Variants in DAB1 observed in about 807,000 individuals in gnomAD.
The protein encoded by DAB1 is disabled homolog 1.
Under a neutral mutation model 64.6 loss-of-function variants are expected in DAB1, and 15 were observed. That is an observed-to-expected ratio of 0.23 (90% confidence interval 0.16 to 0.36). The LOEUF is 0.36. Among genes scored for constraint, DAB1 ranks in the 10% least tolerant of loss-of-function variants. The pLI is 1.00. For missense variants in DAB1, 596 were observed against 706.7 expected (o/e 0.84, Z 1.78); for synonymous variants, 235 against 251.9 (o/e 0.93, Z 0.64).
intron 3 of DAB1, among the ~76,000 whole-genome samples, chr1:58,428,688 T>C (rs1042385122): frequency 1.3e-5 from 2 of 152,338 alleles, no homozygotes; most frequent in East Asian, 3.8e-4. Context: ...AACAGTGTTA[T>C]GTTTAGGATT....
intron 5 of DAB1, among the ~76,000 whole-genome samples, chr1:57,960,829 TGAG>T (rs1230732272): frequency 6.6e-6 from 1 of 152,224 alleles, no homozygotes; most frequent in African/African-American, 2.4e-5. Context: ...CATGCAGGCA[TGAG>T]GAGAACAGAC....
At chr1:57,566,568 A>ACG (rs1405532539) in intron 7 of DAB1, among the ~76,000 whole-genome samples, 8 of 152,172 alleles carry the variant, frequency 5.3e-5, no homozygotes, top group African/African-American at 1.9e-4. Context: ...AATCAAATAG[A>ACG]CGCAATAAAA....
intron 1 of DAB1, chr1:57,876,164 G>C (rs1644042570): frequency 6.6e-6 from 1 of 152,186 alleles, no homozygotes; most frequent in African/African-American, 2.4e-5. Context: ...TAGGCTGAAT[G>C]TTCAAGGACC....
intron 1 of DAB1, among the ~76,000 whole-genome samples, chr1:57,303,868 T>G (rs1285041179): frequency 6.6e-6 from 1 of 152,110 alleles, no homozygotes; most frequent in Admixed American, 6.5e-5. Flanking sequence ...GCTCTACGGC[T>G]ATTCCTAACT....
intron 7 of DAB1, among the ~76,000 whole-genome samples, chr1:57,535,470 C>CTTTTT (rs11358277): frequency 7.7e-6 from 1 of 130,502 alleles, no homozygotes; most frequent in Non-Finnish European, 1.6e-5. Context: ...GTTGGACATT[C>CTTTTT]TTTTTTTTTT....
Position 58,167,018 on chromosome 1 carries a change from G to A in DAB1, n.310-16430C>T, listed in dbSNP as rs545709263. Reference sequence around the variant, plus strand: ...CACCTTGGCCTCCTAAAAGTGCTAGGAATATAGGTATGAGCCATTGCACTC... The same window carrying A: ...CACCTTGGCCTCCTAAAAGTGCTAGAAATATAGGTATGAGCCATTGCACTC... On this transcript the variant is annotated intron_variant and non_coding_transcript_variant, in intron 4 of 20. Transcript: ENST00000485760. 7.3e-5 allele frequency among the ~76,000 whole-genome samples: 11 copies of A among 150,136 alleles called. No individual in the cohort carries two copies. The South Asian group carries it at 2.3e-3, about 32-fold the overall frequency.
chr1:57,272,862 G>A (rs1295487402), intron 2 of DAB1, among the ~76,000 whole-genome samples: 4 of 152,182 alleles, frequency 2.6e-5, no homozygotes, highest in Non-Finnish European at 4.4e-5. Flanking sequence ...GTCAGGATAG[G>A]CTGGTGGCAA....
chr1:58,047,601 G>A (rs1261616754), intron 5 of DAB1, among the ~76,000 whole-genome samples: 1 of 152,144 alleles, frequency 6.6e-6, no homozygotes, highest in South Asian at 2.1e-4. Context: ...CCATTCGCTT[G>A]TTTATGGTTA....
At chr1:57,674,897 A>G (rs971240937) in intron 6 of DAB1, among the ~76,000 whole-genome samples, 4 of 152,194 alleles carry the variant, frequency 2.6e-5, no homozygotes, top group African/African-American at 9.7e-5. Context: ...CAATCAGCAA[A>G]TAATCCATTG....
rs139388487 is a variant in DAB1 at position 57,091,021 on chromosome 1, G to A, written c.307-18607C>T. On this transcript the variant is annotated intron_variant, in intron 4 of 14. Coordinates refer to ENST00000371236, the MANE Select transcript of DAB1 (RefSeq NM_001365792.1). The stretch of plus-strand genomic sequence containing the variant: ...TTATCCTGAAACTATCCCTCACCCC[G>A]CCCCACCCCAAACTGCTATGCATTA... Among the ~76,000 whole-genome samples the A allele has an allele frequency of 7.2e-5, 11 of 152,070 alleles. No individual in the cohort carries two copies. The East Asian group carries it at 9.7e-4, about 13-fold the overall frequency.
At chr1:57,838,401 G>A (rs1652906450) in intron 1 of DAB1, among the ~76,000 whole-genome samples, 1 of 151,856 alleles carries the variant, frequency 6.6e-6, no homozygotes, top group African/African-American at 2.4e-5. Flanking sequence ...TTTTCATCTT[G>A]AGTTTTAAAA....
chr1:57,728,322 G>A (rs538991370), intron 6 of DAB1, among the ~76,000 whole-genome samples: 11 of 152,086 alleles, frequency 7.2e-5, no homozygotes, highest in African/African-American at 2.4e-4. Context: ...GGCCGGGTGC[G>A]GTGGCTCACG....
intron 7 of DAB1, among the ~76,000 whole-genome samples, chr1:57,501,831 T>C (rs746864214): frequency 6.6e-6 from 1 of 152,198 alleles, no homozygotes; most frequent in Non-Finnish European, 1.5e-5. Flanking sequence ...TTCCTTATAA[T>C]TGAATTTTAG....
chr1:57,750,977 C>T (rs955407830), intron 6 of DAB1, among the ~76,000 whole-genome samples: 1 of 152,126 alleles, frequency 6.6e-6, no homozygotes, highest in Non-Finnish European at 1.5e-5. Context: ...CTATTCCCAC[C>T]CCAGTCTCCT....
At chr1:57,440,922 TG>T (rs1438440317) in intron 7 of DAB1, among the ~76,000 whole-genome samples, 5 of 152,188 alleles carry the variant, frequency 3.3e-5, no homozygotes, top group African/African-American at 1.2e-4. Flanking sequence ...GTTTGTTACG[TG>T]GGTGTACAGC....
At chr1:57,934,063 T>TTTTGTGTGTGTG (rs559271438) in intron 5 of DAB1, among the ~76,000 whole-genome samples, 3 of 128,052 alleles carry the variant, frequency 2.3e-5, no homozygotes, top group Non-Finnish European at 4.9e-5. Context: ...GCCCAGCTAA[T>TTTTGTGTGTGTG]TGTGTGTGTG....
intron 3 of DAB1, among the ~76,000 whole-genome samples, chr1:58,459,702 G>A (rs1645224919): frequency 1.3e-5 from 2 of 152,346 alleles, no homozygotes; most frequent in East Asian, 3.9e-4. Flanking sequence ...ACAGGGCCGG[G>A]TATGGTGGCT....
At chr1:57,619,046 G>C (rs1168455466) in intron 7 of DAB1, among the ~76,000 whole-genome samples, 1 of 152,164 alleles carries the variant, frequency 6.6e-6, no homozygotes, top group South Asian at 2.1e-4. Flanking sequence ...ATGTTACGTA[G>C]GTGTTTCTAA....
chr1:57,971,787 A>G (rs895515681), intron 5 of DAB1, among the ~76,000 whole-genome samples: 2 of 152,232 alleles, frequency 1.3e-5, no homozygotes, highest in African/African-American at 4.8e-5. Context: ...TGGGTCTGAA[A>G]TCCACAGAAG....
Sources: allele counts gnomAD v4.1 joint callset (sites outside exome capture counted in the v4.1 genomes callset), GRCh38; gene constraint gnomAD v4.1.1; transcripts MANE v1.5; gene names NCBI Gene and HGNC (gene_info 2026-07-23, HGNC 2026-07-21).